The following SQSTM1 variants were observed in gnomAD, a reference collection of about 807,000 sequenced individuals.
SQSTM1 encodes sequestosome-1.
SQSTM1 carries 36 observed loss-of-function variants against 45.1 expected under a neutral mutation model. That is an observed-to-expected ratio of 0.80 (90% CI 0.61 to 1.05). The LOEUF is 1.05. Among genes scored for constraint, SQSTM1 ranks in the 50% least tolerant of loss-of-function variants. SQSTM1 has a pLI of 0.00. For synonymous variants in SQSTM1, 290 were observed against 244.3 expected, an observed-to-expected ratio of 1.19 and a Z score of -1.74; for missense variants, 617 against 607.1, an observed-to-expected ratio of 1.02 and a Z score of -0.17.
At chr5:179,807,239 C>T (rs1581986361) in intron 1 of SQSTM1, 1 of 152,132 alleles carries the variant, frequency 6.6e-6, no homozygotes, top group South Asian at 2.1e-4. Flanking sequence ...CGCGCGGACC[C>T]CGACCCCATT....
chr5:179,824,108 G>T, intron 3 of SQSTM1, 21 bp downstream of exon 3: 1 of 1,613,708 alleles, frequency 6.2e-7, no homozygotes, highest in Non-Finnish European at 8.5e-7. Context: ...CCTCTGTGCA[G>T]GCCTGGGGTG....
chr5:179,821,249 G>C, intron 1 of SQSTM1, 108 bp downstream of exon 1: 1 of 1,115,594 alleles, frequency 9.0e-7, no homozygotes, highest in Non-Finnish European at 1.2e-6. Context: ...GGCCGTGAGG[G>C]GGTCTGCGCT....
chr5:179,814,236 T>C (rs1009788766), upstream of SQSTM1, among the ~76,000 whole-genome samples: 3 of 152,124 alleles, frequency 2.0e-5, no homozygotes, highest in Non-Finnish European at 2.9e-5. Flanking sequence ...GAAAAGCTTT[T>C]CCTCCCTGAC....
chr5:179,821,115 C>T lies in SQSTM1; in HGVS notation c.179C>T (p.Pro60Leu). 7.2e-7 allele frequency: 1 copy of T among 1,385,416 alleles called. No homozygotes were observed. Among genetic ancestry groups the T allele is most frequent in the Non-Finnish European group, 9.3e-7 (1 of 1,073,380 alleles). 85.8% of individuals were successfully genotyped at this position (1,385,416 alleles called of 1,614,324 possible). The part of the protein sequence containing the change: ...RVAALFPALR[P>L]GGFQAHYRDE... ...GCCGCCCTGTTCCCCGCGCTGCGGC[C>T]TGGCGGCTTCCAGGCGCACTACCGC... The change falls in exon 1 of 8, where the codon CCT (proline) becomes CTT (leucine). Residue 60 changes from proline to leucine, a missense_variant. Transcript: ENST00000389805.
intron 5 of SQSTM1, among the ~76,000 whole-genome samples, chr5:179,830,602 A>T (rs1344438691): frequency 6.7e-6 from 1 of 149,694 alleles, no homozygotes; most frequent in African/African-American, 2.5e-5. Flanking sequence ...GCTGTCGCCC[A>T]GGCTGGAGTG....
intron 7 of SQSTM1, 51 bp from the exon 8 acceptor site, chr5:179,836,385 C>T (rs1321932893): frequency 1.2e-6 from 2 of 1,613,302 alleles, no homozygotes; most frequent in Admixed American, 1.7e-5. Flanking sequence ...TGTTTCGGGT[C>T]ACTCACAGGG....
chr5:179,827,613 A>C (rs1419452549), intron 5 of SQSTM1, among the ~76,000 whole-genome samples: 1 of 152,210 alleles, frequency 6.6e-6, no homozygotes, highest in African/African-American at 2.4e-5. Context: ...TAAAAGCTAA[A>C]GGCTTAAAGT....
At chr5:179,833,840 C>T in intron 7 of SQSTM1, 58 bp downstream of exon 7, 3 of 1,571,570 alleles carry the variant, frequency 1.9e-6, no homozygotes, top group East Asian at 2.2e-5. Context: ...AGCATCCTGC[C>T]CTCCTCTGAT....
chr5:179,806,497 G>C lies in SQSTM1; in HGVS notation c.-251G>C. ...GGGGGTCGCGCTCACCTTTCTGGCC[G>C]CTGAGTGCCGCGTACCAGGACAGCG... is the stretch of plus-strand genomic sequence containing the variant. On this transcript the variant is annotated 5_prime_UTR_variant, in exon 1 of 6. Coordinates refer to the SQSTM1 transcript ENST00000514093. This position sits in a 1 kb window ranked among gnomAD's most constrained non-coding sequence, Gnocchi z 4.6. 7.6e-7 allele frequency: 1 copy of C among 1,312,448 alleles called. No homozygotes were observed. Among genetic ancestry groups the C allele is most frequent in the Non-Finnish European group, 9.9e-7 (1 of 1,005,054 alleles). 81.3% of individuals were successfully genotyped at this position (1,312,448 alleles called of 1,614,324 possible). A position where few individuals can be genotyped will look rare whatever the true frequency, so the allele number is the denominator to read the frequency against.
intron 2 of SQSTM1, chr5:179,812,999 A>C: frequency 7.6e-6 from 1 of 130,898 alleles, no homozygotes; most frequent in African/African-American, 2.8e-5. Flanking sequence ...CCCCCCCCCA[A>C]AAAAAAAAGA....
intron 5 of SQSTM1, among the ~76,000 whole-genome samples, chr5:179,825,543 A>G (rs946065954): frequency 3.3e-5 from 5 of 152,200 alleles, no homozygotes; most frequent in Non-Finnish European, 5.9e-5. Context: ...TTGGATGAAC[A>G]ATAGTCTGCA....
Position 179,806,677 on chromosome 5 carries a change from G to T in SQSTM1, c.-157+86G>T. 1.9e-6 allele frequency: 1 copy of T among 535,636 alleles called. No homozygotes were observed. The highest frequency in any genetic ancestry group is 2.4e-6 in the Non-Finnish European group (1 of 420,456). 33.2% of individuals were successfully genotyped at this position (535,636 alleles called of 1,614,324 possible). A position where few individuals can be genotyped will look rare whatever the true frequency, so the allele number is the denominator to read the frequency against. On this transcript the variant is annotated intron_variant, in intron 1 of 5. Transcript: ENST00000514093. The surrounding 1 kb of genome is among the most constrained non-coding windows in gnomAD (Gnocchi z 4.6). ...CAGGGGTCGGAAGGCGGCGGCGGCG[G>T]CGGCAGGGGCCCCGGCCCCGGGTCG...
chr5:179,821,147 C>A lies in SQSTM1; in HGVS notation c.205+6C>A. On this transcript the variant is annotated splice_donor_region_variant and intron_variant, in intron 1 of 7. Transcript: ENST00000389805. ...CTTCCAGGCGCACTACCGCGGTGAG[C>A]GGGCCGGGGAGCGGCGGGGGCGGTG... The A allele has an allele frequency of 1.5e-6, 2 of 1,339,262 alleles. No homozygotes were observed. Among genetic ancestry groups the A allele is most frequent in the Non-Finnish European group, 1.9e-6 (2 of 1,050,420 alleles). The allele number at this position is 1,339,262 out of a possible 1,614,324, so 83.0% of individuals were successfully genotyped here.
chr5:179,836,013 T>A (rs1758534975), intron 7 of SQSTM1: 1 of 300,994 alleles, frequency 3.3e-6, no homozygotes, highest in Non-Finnish European at 6.5e-6. Flanking sequence ...CATTTCCAAG[T>A]CCTGTTCATT....
intron 7 of SQSTM1, chr5:179,835,050 G>C (rs982047527): frequency 9.3e-6 from 2 of 214,206 alleles, no homozygotes; most frequent in Non-Finnish European, 1.9e-5. Flanking sequence ...CTTCTCAGAC[G>C]GGGCGGCCGG....
At chr5:179,835,012 G>C (rs552091642) in intron 7 of SQSTM1, 6 of 222,242 alleles carry the variant, frequency 2.7e-5, no homozygotes, top group African/African-American at 4.8e-5. Context: ...TCCCGGACGG[G>C]GTGGCTGCCG....
chr5:179,829,503 C>T (rs1311082952), intron 5 of SQSTM1, among the ~76,000 whole-genome samples: 1 of 152,052 alleles, frequency 6.6e-6, no homozygotes, highest in Non-Finnish European at 1.5e-5. Flanking sequence ...ATGTTAATGT[C>T]CTCAGTGAGA....
Position 179,823,888 on chromosome 5 carries a change from C to T in SQSTM1, c.332C>T (p.Pro111Leu), listed in dbSNP as rs371719657. 6.3e-5 allele frequency: 102 copies of T among 1,613,108 alleles called. No individual in the cohort carries two copies. The highest frequency in any genetic ancestry group is 8.6e-5 in the Non-Finnish European group (101 of 1,180,042). Reference sequence around the variant, plus strand: ...AAAGAGTGCCGGCGGGACCACCGCCCACCGTGTGCTCAGGAGGCGCCCCGC... The same window carrying T: ...AAAGAGTGCCGGCGGGACCACCGCCTACCGTGTGCTCAGGAGGCGCCCCGC... ...EKKECRRDHR[P>L]PCAQEAPRNM... The change falls in exon 3 of 8, where the codon CCA becomes CTA. Residue 111 changes from proline (P) to leucine (L), a missense_variant. Physicochemically the swap from Pro to Leu is moderately conservative, Grantham distance 98. Transcript: ENST00000389805.
At chr5:179,825,351 C>G in intron 5 of SQSTM1, 125 bp downstream of exon 5, 1 of 878,120 alleles carries the variant, frequency 1.1e-6, no homozygotes, top group South Asian at 1.4e-5. Context: ...TTTGTTGCCT[C>G]AAATCAACCT....
Sources: allele counts gnomAD v4.1 joint callset (sites outside exome capture counted in the v4.1 genomes callset), GRCh38; gene constraint gnomAD v4.1.1; non-coding constraint Gnocchi (gnomAD v3.1); transcripts MANE v1.5; gene names NCBI Gene and HGNC (gene_info 2026-07-23, HGNC 2026-07-21).